Variants in LIMD1 observed in about 807,000 individuals in gnomAD.
The protein encoded by LIMD1 is LIM domain containing 1.
LIMD1 carries 23 observed loss-of-function variants against 58.4 expected under a neutral mutation model. The observed-to-expected ratio is 0.39, with a 90% CI of 0.28 to 0.56. The LOEUF is 0.56. Ranked by LOEUF, LIMD1 falls within the 20% of genes least tolerant of loss-of-function variation. The pLI, the probability that LIMD1 is intolerant of heterozygous loss-of-function variation, is 0.57. For synonymous variants in LIMD1, 334 were observed against 345.5 expected, an observed-to-expected ratio of 0.97 and a Z score of 0.37; for missense variants, 838 against 855.5, an observed-to-expected ratio of 0.98 and a Z score of 0.25.
At chr3:45,626,990 G>C (rs1241310958) in intron 1 of LIMD1, among the ~76,000 whole-genome samples, 1 of 152,010 alleles carries the variant, frequency 6.6e-6, no homozygotes, top group Non-Finnish European at 1.5e-5. Flanking sequence ...ACTGAAGTCT[G>C]TTGGCCTATT....
chr3:45,623,582 G>A (rs1701645434), intron 1 of LIMD1, among the ~76,000 whole-genome samples: 1 of 152,202 alleles, frequency 6.6e-6, no homozygotes, highest in Non-Finnish European at 1.5e-5. Flanking sequence ...GGCCATGTGT[G>A]TTTTAATGGC....
intron 4 of LIMD1, among the ~76,000 whole-genome samples, chr3:45,670,951 A>T (rs529715471): frequency 2.0e-5 from 3 of 152,374 alleles, no homozygotes; most frequent in African/African-American, 7.2e-5. Flanking sequence ...ATAGTCTCAC[A>T]TAAAAAAAGT....
At chr3:45,608,839 C>CAAAAAAAAAA (rs60750700) in intron 1 of LIMD1, among the ~76,000 whole-genome samples, 1 of 102,982 alleles carries the variant, frequency 9.7e-6, no homozygotes, top group African/African-American at 4.0e-5. Context: ...GACTCGGTAT[C>CAAAAAAAAAA]AAAAAAAAAA....
At chr3:45,612,813 T>C (rs1195318786) in intron 1 of LIMD1, 1 of 152,266 alleles carries the variant, frequency 6.6e-6, no homozygotes, top group Non-Finnish European at 1.5e-5. Flanking sequence ...AGATTCTGTA[T>C]TTGTGAATCA....
chr3:45,655,754 C>T (rs1191813476), intron 2 of LIMD1, among the ~76,000 whole-genome samples: 2 of 152,192 alleles, frequency 1.3e-5, no homozygotes, highest in Admixed American at 6.5e-5. Context: ...CCATTTTGTC[C>T]TCTGTCCTTA....
At chr3:45,603,247 A>G (rs142039072) in intron 1 of LIMD1, among the ~76,000 whole-genome samples, 1 of 152,256 alleles carries the variant, frequency 6.6e-6, no homozygotes, top group African/African-American at 2.4e-5. Flanking sequence ...TTTTCACATA[A>G]AAGGAAACAA....
intron 1 of LIMD1, among the ~76,000 whole-genome samples, chr3:45,603,425 G>C (rs1008429121): frequency 6.6e-6 from 1 of 151,792 alleles, no homozygotes; most frequent in African/African-American, 2.4e-5. Flanking sequence ...ACAGCTGTGT[G>C]CCTCTGTCTG....
intron 1 of LIMD1, among the ~76,000 whole-genome samples, chr3:45,605,893 A>G (rs955996278): frequency 1.4e-4 from 21 of 152,156 alleles, no homozygotes; most frequent in Non-Finnish European, 3.1e-4. Context: ...CATTTGTCAT[A>G]GGACAGTGGG....
At chr3:45,654,391 T>C (rs1018650736) in intron 2 of LIMD1, among the ~76,000 whole-genome samples, 1 of 152,184 alleles carries the variant, frequency 6.6e-6, no homozygotes, top group Admixed American at 6.5e-5. Flanking sequence ...GTGGTGAGTA[T>C]TATTGCACGT....
At chr3:45,616,802 T>G (rs1324852256) in intron 1 of LIMD1, among the ~76,000 whole-genome samples, 2 of 151,710 alleles carry the variant, frequency 1.3e-5, no homozygotes, top group Admixed American at 1.3e-4. Context: ...TCTCCCAGGC[T>G]GGAGTGTGGT....
At chr3:45,621,078 ATACTC>A (rs1559516787) in intron 1 of LIMD1, among the ~76,000 whole-genome samples, 1 of 152,204 alleles carries the variant, frequency 6.6e-6, no homozygotes, top group Non-Finnish European at 1.5e-5. Flanking sequence ...TAATTGGCCT[ATACTC>A]TTCCAAAGTA....
At position 45,677,319 on chromosome 3, in the gene LIMD1, C is replaced by T; in HGVS notation, c.*260C>T. The T allele has an allele frequency of 2.4e-6, 1 of 420,886 alleles. No homozygotes were observed. Among genetic ancestry groups the T allele is most frequent in the South Asian group, 2.6e-5 (1 of 37,828 alleles). The allele number at this position is 420,886 out of a possible 1,614,324, so 26.1% of individuals were successfully genotyped here. A position where few individuals can be genotyped will look rare whatever the true frequency, so the allele number is the denominator to read the frequency against. ...GAAAATGCTCCAGCATGTGCGAGCACATGACCTGAGGTTGCATCATAGCAC... is the reference window on the plus strand; with the variant it reads ...GAAAATGCTCCAGCATGTGCGAGCATATGACCTGAGGTTGCATCATAGCAC... On this transcript the variant is annotated 3_prime_UTR_variant, in exon 8 of 8. Coordinates refer to ENST00000273317, the MANE Select transcript of LIMD1 (RefSeq NM_014240.3).
At chr3:45,656,456 G>GAA (rs11348607) in intron 2 of LIMD1, among the ~76,000 whole-genome samples, 3 of 110,118 alleles carry the variant, frequency 2.7e-5, no homozygotes, top group South Asian at 2.9e-4. Context: ...TTCTCCATCA[G>GAA]AAAAAAAAAA....
At chr3:45,671,878 A>G (rs1240615997) in intron 4 of LIMD1, among the ~76,000 whole-genome samples, 1 of 152,200 alleles carries the variant, frequency 6.6e-6, no homozygotes, top group African/African-American at 2.4e-5. Flanking sequence ...ATGTGGTTCC[A>G]TGATGAGTTA....
At chr3:45,642,597 G>A (rs1317072498) in intron 2 of LIMD1, among the ~76,000 whole-genome samples, 1 of 152,106 alleles carries the variant, frequency 6.6e-6, no homozygotes, top group Non-Finnish European at 1.5e-5. Context: ...TTAGAGTTGC[G>A]ATCATAGTAT....
rs1271990013 is a variant in LIMD1 at position 45,595,333 on chromosome 3, G to A, written c.454G>A (p.Glu152Lys). 3 of 1,613,492 alleles carry A rather than the reference G, an allele frequency of 1.9e-6. No individual in the cohort carries two copies. The highest frequency in any genetic ancestry group is 2.5e-6 in the Non-Finnish European group (3 of 1,180,050). The change falls in exon 1 of 8, where the codon GAG becomes AAG. Residue 152 changes from glutamate to lysine, a missense_variant. Coordinates refer to ENST00000273317, the MANE Select transcript of LIMD1 (RefSeq NM_014240.3). ...TGGCAGCCAGGACTGTGGTTCCAGG[G>A]AGAGCCTGGCGACTTCTGAGATGTC... The part of the protein sequence containing the change: ...RHGSQDCGSR[E>K]SLATSEMSAF...
In LIMD1 at chr3:45,665,097, G is replaced by A. The variant is rs144640038; in HGVS notation, c.1511-553G>A. Among the ~76,000 whole-genome samples, 175 of 152,026 alleles carry A rather than the reference G, an allele frequency of 1.2e-3. 1 individual carries two copies. Among genetic ancestry groups the A allele is most frequent in the African/African-American group, 3.8e-3 (158 of 41,464 alleles). On this transcript the variant is annotated intron_variant, in intron 2 of 7. Transcript: ENST00000273317. ...GGTGCTTTGAACTTTTCCCACTCCC[G>A]CCTACTCGTTTTAGGTCAAGAGAAA...
chr3:45,663,888 T>TTTTTTA (rs1697476675), intron 2 of LIMD1, among the ~76,000 whole-genome samples: 2 of 142,286 alleles, frequency 1.4e-5, no homozygotes, highest in Non-Finnish European at 3.0e-5. Context: ...TTTTTTTTTT[T>TTTTTTA]GAGACAGAGT....
chr3:45,647,684 A>C (rs1701920893), intron 2 of LIMD1, among the ~76,000 whole-genome samples: 1 of 152,208 alleles, frequency 6.6e-6, no homozygotes, highest in Admixed American at 6.5e-5. Flanking sequence ...AGCAGCGAGG[A>C]GGCCACTCCA....
Sources: allele counts gnomAD v4.1 joint callset (sites outside exome capture counted in the v4.1 genomes callset), GRCh38; gene constraint gnomAD v4.1.1; transcripts MANE v1.5; gene names NCBI Gene and HGNC (gene_info 2026-07-23, HGNC 2026-07-21).